The following UBXN7 variants were observed in gnomAD, a reference collection of about 807,000 sequenced individuals.
UBXN7 encodes the protein UBX domain protein 7.
In UBXN7, 9 loss-of-function variants were observed where a neutral mutation model predicts 58.0. The ratio of observed to expected loss-of-function variants is 0.16; its 90% confidence interval spans 0.09 to 0.27. The LOEUF (loss-of-function observed/expected upper bound fraction) is 0.27. UBXN7 is among the 10% of genes least tolerant of loss of function. UBXN7 has a pLI of 1.00. For missense variants in UBXN7, 328 were observed against 599.6 expected (o/e 0.55, Z 4.73); for synonymous variants, 208 against 205.0 (o/e 1.01, Z -0.12).
At position 196,371,937 on chromosome 3, in the gene UBXN7, C is replaced by T; in HGVS notation, c.574G>A (p.Ala192Thr). ...TGTTCCCGGATAATATTCTTCACAG[C>T]TTCGTTGCTCCACACATCGCGGTTG... ...CLNRDVWSNE[A>T]VKNIIREHFI... Residue 192 changes from alanine (A) to threonine (T), a missense_variant, in exon 6 of 11, where the codon GCT becomes ACT. Physicochemically the swap from Ala to Thr is moderately conservative, Grantham distance 58. Around this residue, in one of 4 missense-constraint regions of UBXN7, gnomAD observed 126 missense variants for 302.6 expected, o/e 0.42. Coordinates refer to ENST00000296328, the MANE Select transcript of UBXN7 (RefSeq NM_015562.2). 1.9e-6 allele frequency: 3 copies of T among 1,613,716 alleles called. No individual in the cohort carries two copies. The highest frequency in any genetic ancestry group is 2.5e-6 in the Non-Finnish European group (3 of 1,179,908).
At chr3:196,416,361 G>T (rs1730487063) in intron 1 of UBXN7, 1 of 152,062 alleles carries the variant, frequency 6.6e-6, no homozygotes, top group Non-Finnish European at 1.5e-5. Context: ...AACCCAGGAG[G>T]CAGAGGTTGC....
In UBXN7 at chr3:196,432,383, C is replaced by G; in HGVS notation, c.17G>C (p.Gly6Ala). The change falls in exon 1 of 11, where the codon GGC becomes GCC. Residue 6 changes from glycine (G) to alanine (A), a missense_variant. By Grantham distance (60) the Gly-to-Ala change is moderately conservative. Around this residue, in one of 4 missense-constraint regions of UBXN7, gnomAD observed 106 missense variants for 124.3 expected, o/e 0.85. Coordinates refer to ENST00000296328, the MANE Select transcript of UBXN7 (RefSeq NM_015562.2). ...CTTCAGCGCCGAGGACGCCGCGGAG[C>G]CCCCGTGGGCAGCCATCTTACCGCC... MAAHG[G>A]SAASSALKGL... 5 of 1,593,866 alleles carry G rather than the reference C, an allele frequency of 3.1e-6. No homozygotes were observed. The highest frequency in any genetic ancestry group is 4.3e-6 in the Non-Finnish European group (5 of 1,166,286).
chr3:196,391,699 A>G, intron 5 of UBXN7, 114 bp downstream of exon 5: 1 of 690,056 alleles, frequency 1.4e-6, no homozygotes, highest in South Asian at 1.9e-5. Flanking sequence ...GTGTCACTGC[A>G]GTCCAGCCTG....
rs1728720510 is a variant in UBXN7 at position 196,368,121 on chromosome 3, T to C, written c.741A>G (p.Val247=). ...QKLVEWHQLD[V]SSFLDQVTGF... is the part of the protein sequence containing the mutation. ...CCGTCACTTGGTCCAAGAAAGAAGA[T>C]ACATCTAACTGGTGCCATTCTACTA... Residue 247 remains valine, a synonymous_variant, in exon 8 of 11, where the codon GTA becomes GTG. Coordinates refer to ENST00000296328, the MANE Select transcript of UBXN7 (RefSeq NM_015562.2). The C allele has an allele frequency of 1.2e-6, 2 of 1,614,054 alleles. No homozygotes were observed. Among genetic ancestry groups the C allele is most frequent in the South Asian group, 1.1e-5 (1 of 91,058 alleles).
chr3:196,405,578 G>A (rs116508664), intron 2 of UBXN7, among the ~76,000 whole-genome samples: 5,261 of 151,542 alleles, frequency 0.035, 280 homozygotes, highest in African/African-American at 0.12. Context: ...GTGTGTGTGT[G>A]TATATATATA....
At chr3:196,417,468 A>G (rs1417287664) in intron 1 of UBXN7, among the ~76,000 whole-genome samples, 2 of 152,118 alleles carry the variant, frequency 1.3e-5, no homozygotes, top group African/African-American at 4.8e-5. Flanking sequence ...AGAGCCTGGG[A>G]ACTACTCAGC....
At chr3:196,380,739 C>A (rs530848659) in intron 5 of UBXN7, among the ~76,000 whole-genome samples, 1 of 152,228 alleles carries the variant, frequency 6.6e-6, no homozygotes, top group Non-Finnish European at 1.5e-5. Context: ...CAAGGGAAGC[C>A]GTGACAGACT....
chr3:196,418,106 G>A (rs1297295382), intron 1 of UBXN7, among the ~76,000 whole-genome samples: 1 of 151,700 alleles, frequency 6.6e-6, no homozygotes, highest in African/African-American at 2.4e-5. Context: ...GCGTGATGGT[G>A]GGAGCCTGTA....
chr3:196,431,810 C>A, intron 1 of UBXN7: 1 of 414,348 alleles, frequency 2.4e-6, no homozygotes, highest in Non-Finnish European at 4.9e-6. Context: ...GCGGGAGGGC[C>A]CGAACCCGCC....
intron 10 of UBXN7, 120 bp from the exon 11 acceptor site, chr3:196,356,966 C>G (rs1728367955): frequency 4.6e-6 from 6 of 1,298,448 alleles, no homozygotes; most frequent in Admixed American, 3.1e-5. Flanking sequence ...AATGTAAGTT[C>G]TTCTTTCATA....
chr3:196,365,762 C>T (rs183327600), intron 8 of UBXN7, among the ~76,000 whole-genome samples: 1 of 152,174 alleles, frequency 6.6e-6, no homozygotes, highest in African/African-American at 2.4e-5. Context: ...ATACAACTTG[C>T]TAAAGCTTAT....
intron 1 of UBXN7, 142 bp from the exon 2 acceptor site, chr3:196,407,535 G>A: frequency 1.6e-6 from 2 of 1,235,606 alleles, no homozygotes; most frequent in Non-Finnish European, 2.1e-6. Context: ...GAAATACACA[G>A]AGCTAGAAAA....
intron 5 of UBXN7, among the ~76,000 whole-genome samples, chr3:196,380,860 A>T (rs1169276735): frequency 1.3e-5 from 2 of 152,226 alleles, no homozygotes; most frequent in Admixed American, 1.3e-4. Context: ...TCCCACGCCC[A>T]TGGAGCCTTG....
At chr3:196,395,616 T>TTTGC (rs1398636389) in intron 3 of UBXN7, among the ~76,000 whole-genome samples, 1 of 151,148 alleles carries the variant, frequency 6.6e-6, no homozygotes, top group Non-Finnish European at 1.5e-5. Flanking sequence ...AGTTTTTTTG[T>TTTGC]TTGTTTGTTT....
intron 8 of UBXN7, among the ~76,000 whole-genome samples, chr3:196,366,457 C>T (rs1277705669): frequency 6.6e-6 from 1 of 150,986 alleles, no homozygotes; most frequent in Non-Finnish European, 1.5e-5. Flanking sequence ...TCAAGGCTAG[C>T]AAGTTTTTTT....
At chr3:196,429,473 TTTTTA>T (rs1302146106) in intron 1 of UBXN7, among the ~76,000 whole-genome samples, 1 of 152,204 alleles carries the variant, frequency 6.6e-6, no homozygotes, top group Non-Finnish European at 1.5e-5. Flanking sequence ...CTCACATTTA[TTTTTA>T]TTTTTTCTTT....
intron 5 of UBXN7, among the ~76,000 whole-genome samples, chr3:196,374,272 CT>C (rs66511935): frequency 0.25 from 37,283 of 149,904 alleles, 6,031 homozygotes; most frequent in East Asian, 0.83. Context: ...GGAAGAGTCA[CT>C]TTTTTTTTTC....
intron 1 of UBXN7, among the ~76,000 whole-genome samples, chr3:196,422,570 C>T (rs1730721219): frequency 6.6e-6 from 1 of 151,924 alleles, no homozygotes; most frequent in Non-Finnish European, 1.5e-5. Context: ...TTTTTTAATA[C>T]AGATGTGGGG....
Position 196,348,952 on chromosome 3 carries a change from C to CAAACA in UBXN7, c.*7728_*7732dup, listed in dbSNP as rs1272247742. On this transcript the variant is annotated 3_prime_UTR_variant, in exon 11 of 11. Coordinates refer to ENST00000296328, the MANE Select transcript of UBXN7 (RefSeq NM_015562.2). ...CAAAACAAAACAAAACAAAACAAAA[C>CAAACA]AAACAAAACAAAAAGTAACACTGGA... The CAAACA allele has an allele frequency of 6.7e-6, 1 of 149,358 alleles. No individual in the cohort carries two copies. 9.3% of individuals were successfully genotyped at this position (149,358 alleles called of 1,614,324 possible).
Sources: allele counts gnomAD v4.1 joint callset (sites outside exome capture counted in the v4.1 genomes callset), GRCh38; gene constraint gnomAD v4.1.1; regional missense constraint gnomAD v4.1.1; transcripts MANE v1.5; gene names NCBI Gene and HGNC (gene_info 2026-07-23, HGNC 2026-07-21).